SCFD2: variants seen among roughly 807,000 people sequenced by gnomAD.
SCFD2 encodes the protein sec1 family domain-containing protein 2.
In SCFD2, 54 loss-of-function variants were observed where a neutral mutation model predicts 58.9. That is an observed-to-expected ratio of 0.92 (90% CI 0.74 to 1.15). The LOEUF (loss-of-function observed/expected upper bound fraction) is 1.15. Among genes scored for constraint, SCFD2 ranks in the 50% most tolerant of loss-of-function variants. The probability of loss-of-function intolerance (pLI) is 0.00; values close to 1 mark genes in which losing one functional copy is unlikely to be tolerated. For synonymous variants in SCFD2, 321 were observed against 335.9 expected (o/e 0.96, Z 0.49); for missense variants, 805 against 836.6 (o/e 0.96, Z 0.47).
intron 2 of SCFD2, among the ~76,000 whole-genome samples, chr4:53,325,870 G>C (rs1733177118): frequency 6.6e-6 from 1 of 151,988 alleles, no homozygotes; most frequent in Non-Finnish European, 1.5e-5. Context: ...ATACTAAAGG[G>C]ACATAACTAC....
At chr4:53,036,758 G>C (rs1036637639) in intron 5 of SCFD2, among the ~76,000 whole-genome samples, 4 of 151,958 alleles carry the variant, frequency 2.6e-5, no homozygotes, top group Admixed American at 2.6e-4. Flanking sequence ...CAGGTTGATG[G>C]GTGCAGCAAA....
chr4:53,256,096 C>G (rs1314356389), intron 4 of SCFD2, among the ~76,000 whole-genome samples: 2 of 149,702 alleles, frequency 1.3e-5, no homozygotes, highest in Admixed American at 6.6e-5. Context: ...GACGGGGTGG[C>G]TGCCGGGCGG....
intron 2 of SCFD2, among the ~76,000 whole-genome samples, chr4:53,322,894 A>G (rs546531052): frequency 6.6e-6 from 1 of 152,328 alleles, no homozygotes; most frequent in East Asian, 1.9e-4. Context: ...TTAAGGATTA[A>G]TTCATGTGTC....
intron 5 of SCFD2, among the ~76,000 whole-genome samples, chr4:53,001,118 C>T (rs1013181387): frequency 1.3e-5 from 2 of 152,200 alleles, no homozygotes; most frequent in Non-Finnish European, 2.9e-5. Flanking sequence ...TTATGTAGCA[C>T]AGTGCAGCTA....
intron 4 of SCFD2, among the ~76,000 whole-genome samples, chr4:53,246,370 G>A (rs1237070306): frequency 3.3e-5 from 5 of 151,960 alleles, no homozygotes; most frequent in South Asian, 2.1e-4. Flanking sequence ...GAACAACAAC[G>A]AAAAACCCGA....
chr4:53,185,634 G>T (rs576888807), intron 4 of SCFD2, among the ~76,000 whole-genome samples: 18 of 151,842 alleles, frequency 1.2e-4, no homozygotes, highest in African/African-American at 4.4e-4. Flanking sequence ...AATTAAGCTG[G>T]AATTACTCTA....
intron 4 of SCFD2, among the ~76,000 whole-genome samples, chr4:53,214,362 T>C (rs1394828742): frequency 2.0e-5 from 3 of 152,140 alleles, no homozygotes; most frequent in Non-Finnish European, 4.4e-5. Context: ...TGGTGTGAGA[T>C]GGTATCTCAT....
At position 53,296,598 on chromosome 4, in the gene SCFD2, T is replaced by G. The variant is rs145844184; in HGVS notation, c.1135+17038A>C. Among the ~76,000 whole-genome samples the G allele has an allele frequency of 3.5e-3, 533 of 152,308 alleles. 4 individuals are homozygous for G. Among genetic ancestry groups the G allele is most frequent in the African/African-American group, 0.013 (520 of 41,552 alleles). The stretch of plus-strand genomic sequence containing the variant: ...CTCTTCAAAAAACCAGCTCCTGGAT[T>G]CACTGATTTTTTTGAAGTGTTTTTT... On this transcript the variant is annotated intron_variant, in intron 3 of 8. Transcript: ENST00000401642.
chr4:52,953,048 C>A (rs540622260), intron 5 of SCFD2, among the ~76,000 whole-genome samples: 11 of 152,132 alleles, frequency 7.2e-5, no homozygotes, highest in Non-Finnish European at 1.5e-4. Flanking sequence ...TATGAAGGCT[C>A]CTTGGAAAAG....
intron 4 of SCFD2, among the ~76,000 whole-genome samples, chr4:53,239,826 C>T (rs1021871341): frequency 4.6e-5 from 7 of 152,084 alleles, no homozygotes; most frequent in Admixed American, 4.6e-4. Context: ...TGTATAGACC[C>T]AAGCTAAATT....
intron 4 of SCFD2, among the ~76,000 whole-genome samples, chr4:53,257,152 G>C (rs1730669599): frequency 6.6e-6 from 1 of 151,902 alleles, no homozygotes; most frequent in South Asian, 2.1e-4. Flanking sequence ...CTTTAATACA[G>C]ATAGAGAGGC....
At chr4:53,156,214 T>C (rs1726677658) in intron 4 of SCFD2, among the ~76,000 whole-genome samples, 1 of 151,218 alleles carries the variant, frequency 6.6e-6, no homozygotes, top group Non-Finnish European at 1.5e-5. Flanking sequence ...GCCTGGCCAA[T>C]ATGGTGAAAC....
chr4:53,151,760 C>A (rs1405716450), intron 4 of SCFD2, among the ~76,000 whole-genome samples: 1 of 152,278 alleles, frequency 6.6e-6, no homozygotes, highest in South Asian at 2.1e-4. Flanking sequence ...TGGTACTTTA[C>A]GAGGAAAAGA....
intron 1 of SCFD2, 33 bp from the exon 2 acceptor site, chr4:53,352,799 A>C (rs1220439157): frequency 3.8e-6 from 6 of 1,578,676 alleles, no homozygotes; most frequent in African/African-American, 2.7e-5. Context: ...GTAAATTCAT[A>C]AAATGGGAGG....
intron 4 of SCFD2, among the ~76,000 whole-genome samples, chr4:53,175,523 T>A (rs1279134559): frequency 6.6e-6 from 1 of 152,220 alleles, no homozygotes; most frequent in East Asian, 1.9e-4. Flanking sequence ...TAGTTCCTAA[T>A]TGAAAATTGA....
At chr4:53,238,414 A>G (rs1577880606) in intron 4 of SCFD2, among the ~76,000 whole-genome samples, 1 of 94,798 alleles carries the variant, frequency 1.1e-5, no homozygotes, top group East Asian at 3.4e-4. Flanking sequence ...TGACCCCCCT[A>G]CCTCCCTCCC....
Position 52,994,629 on chromosome 4 carries a change from G to A in SCFD2, c.1562-73759C>T, listed in dbSNP as rs183197910. Reference sequence around the variant, plus strand: ...GTGGGGATTACACTTGAACTCCAGGGCTCTAGCCCTTCCTCTACTCCACTC... The same window carrying A: ...GTGGGGATTACACTTGAACTCCAGGACTCTAGCCCTTCCTCTACTCCACTC... On this transcript the variant is annotated intron_variant, in intron 5 of 8. Transcript: ENST00000401642. Among the ~76,000 whole-genome samples the A allele has an allele frequency of 2.0e-5, 3 of 152,206 alleles. No homozygotes were observed. In the East Asian group the frequency reaches 5.8e-4, roughly 29 times the overall value.
intron 5 of SCFD2, among the ~76,000 whole-genome samples, chr4:53,015,303 G>A (rs1296110322): frequency 6.6e-6 from 1 of 152,126 alleles, no homozygotes; most frequent in South Asian, 2.1e-4. Flanking sequence ...TAAAACACCT[G>A]TCATTCATCT....
intron 8 of SCFD2, among the ~76,000 whole-genome samples, chr4:52,883,454 C>T (rs1419463554): frequency 6.6e-6 from 1 of 152,208 alleles, no homozygotes; most frequent in Admixed American, 6.5e-5. Flanking sequence ...GGGCAAGTAG[C>T]AGTCAAGGCT....
Sources: allele counts gnomAD v4.1 joint callset (sites outside exome capture counted in the v4.1 genomes callset), GRCh38; gene constraint gnomAD v4.1.1; transcripts MANE v1.5; gene names NCBI Gene and HGNC (gene_info 2026-07-23, HGNC 2026-07-21).